The following TKT variants were observed in gnomAD, a reference collection of about 807,000 sequenced individuals.
The protein encoded by TKT is transketolase, also known as epididymis luminal protein 107.
In TKT, 47 loss-of-function variants were observed where a neutral mutation model predicts 63.9. The observed-to-expected ratio is 0.74, with a 90% CI of 0.58 to 0.94. The LOEUF (loss-of-function observed/expected upper bound fraction) is 0.94, where lower values mean the gene tolerates loss of function less well. Among genes scored for constraint, TKT ranks in the 40% least tolerant of loss-of-function variants. The pLI is 0.00. For missense variants in TKT, 721 were observed against 846.2 expected, an observed-to-expected ratio of 0.85 and a Z score of 1.84; for synonymous variants, 338 against 334.1, an observed-to-expected ratio of 1.01 and a Z score of -0.13.
intron 1 of TKT, among the ~76,000 whole-genome samples, chr3:53,250,556 A>C (rs1553681511): frequency 6.6e-6 from 1 of 152,134 alleles, no homozygotes; most frequent in Non-Finnish European, 1.5e-5. Context: ...GGATCGCTTA[A>C]GCCCAGGAGT....
At chr3:53,251,798 C>A (rs150895888) in intron 1 of TKT, among the ~76,000 whole-genome samples, 1 of 151,988 alleles carries the variant, frequency 6.6e-6, no homozygotes, top group Non-Finnish European at 1.5e-5. Flanking sequence ...CCTCTGTACT[C>A]CAGACCTGGT....
Position 53,226,837 on chromosome 3 carries a change from G to A in TKT, c.1615C>T (p.Pro539Ser). 1 of 1,613,734 alleles carries A rather than the reference G, an allele frequency of 6.2e-7. No individual in the cohort carries two copies. The highest frequency in any genetic ancestry group is 2.2e-5 in the East Asian group (1 of 44,890). The change falls in exon 13 of 14, where the codon CCC becomes TCC. Residue 539 changes from proline (P) to serine (S), a missense_variant. By Grantham distance (74) the Pro-to-Ser change is moderately conservative. Transcript: ENST00000462138. ...IRVLDPFTIK[P>S]LDRKLILDSA... ...TCGAGAATGAGTTTTCTGTCCAGGG[G>A]CTTGATGGTGAAGGGGTCCAGCACG...
At chr3:53,238,288 C>A (rs782725833) in intron 4 of TKT, among the ~76,000 whole-genome samples, 1 of 152,238 alleles carries the variant, frequency 6.6e-6, no homozygotes, top group Non-Finnish European at 1.5e-5. Context: ...TGGTTCTCTG[C>A]CAAATAAAAT....
rs1553675244 is a variant in TKT, at chr3:53,225,620, A to G, written c.*136T>C. On this transcript the variant is annotated 3_prime_UTR_variant, in exon 14 of 14. Coordinates refer to ENST00000462138, the MANE Select transcript of TKT (RefSeq NM_001064.4). ...CAGAACCTGCACTGGCTGCAAACAC[A>G]TCAAAAAAGAAAACATTTCAGGGCC... The G allele has an allele frequency of 1.8e-6, 2 of 1,115,988 alleles. No homozygotes were observed. Among genetic ancestry groups the G allele is most frequent in the African/African-American group, 1.6e-5 (1 of 63,298 alleles). 69.1% of individuals were successfully genotyped at this position (1,115,988 alleles called of 1,614,324 possible).
chr3:53,230,697 C>G, intron 7 of TKT, 76 bp from the exon 8 acceptor site: 2 of 1,559,120 alleles, frequency 1.3e-6, no homozygotes, highest in Non-Finnish European at 1.7e-6. Context: ...GCCCTGCTTT[C>G]AGAGAAGGAT....
chr3:53,247,281 T>C lies in TKT; in HGVS notation c.108-5039A>G, dbSNP rs1705554619. 2.1e-5 allele frequency among the ~76,000 whole-genome samples: 3 copies of C among 141,804 alleles called. No homozygotes were observed. The South Asian group carries it at 6.6e-4, about 31-fold the overall frequency. 93.0% of individuals were successfully genotyped at this position (141,804 alleles called of 152,430 possible). On this transcript the variant is annotated intron_variant, in intron 1 of 13. Transcript: ENST00000462138. ...CTGAGGCAGGAGAATCGCTTGAACC[T>C]GGGAGGCAGAGGTTGCAGTGAGCTG...
chr3:53,241,287 G>C (rs202095974), intron 2 of TKT, 42 bp from the exon 3 acceptor site: 11 of 1,552,332 alleles, frequency 7.1e-6, no homozygotes, highest in Non-Finnish European at 9.6e-6. Flanking sequence ...GGTGGGGAGC[G>C]GTTCTACTTC....
chr3:53,229,185 C>CA, intron 9 of TKT, 48 bp from the exon 10 acceptor site: 1 of 1,613,518 alleles, frequency 6.2e-7, no homozygotes. Context: ...CCTACCCCCC[C>CA]ATCCATGGGC....
intron 1 of TKT, chr3:53,243,691 C>T (rs560876439): frequency 8.0e-5 from 36 of 450,984 alleles, no homozygotes; most frequent in South Asian, 2.7e-4. Flanking sequence ...CCTAATCCCA[C>T]GCTCCCAGTG....
chr3:53,233,384 C>G (rs1347822771), intron 5 of TKT, 110 bp from the exon 6 acceptor site: 10 of 731,224 alleles, frequency 1.4e-5, no homozygotes, highest in Admixed American at 7.2e-5. Flanking sequence ...GGCTCCACCC[C>G]ACAACTGCGG....
chr3:53,228,100 A>G lies in TKT; in HGVS notation c.1529T>C (p.Val510Ala), dbSNP rs1553675974. Residue 510 changes from valine to alanine, a missense_variant, in exon 12 of 14, where the codon GTG (valine) becomes GCG (alanine). Coordinates refer to ENST00000462138, the MANE Select transcript of TKT (RefSeq NM_001064.4). ...AGCGGCCAAGGCCTCGTGCAGGGTC[A>G]CCCCAGCCCCGATAACGGTCACCTG... Reference protein sequence around the residue: ...DDQVTVIGAGVTLHEALAAAE... With the variant: ...DDQVTVIGAGATLHEALAAAE... 1 of 1,613,656 alleles carries G rather than the reference A, an allele frequency of 6.2e-7. No homozygotes were observed. The highest frequency in any genetic ancestry group is 8.5e-7 in the Non-Finnish European group (1 of 1,179,986).
chr3:53,246,580 C>T (rs528189614), intron 1 of TKT, among the ~76,000 whole-genome samples: 41 of 152,218 alleles, frequency 2.7e-4, no homozygotes, highest in Non-Finnish European at 5.3e-4. Context: ...AGGCCAGGTG[C>T]GGTGGCTCAA....
intron 7 of TKT, 136 bp from the exon 8 acceptor site, chr3:53,230,757 C>T (rs1194415021): frequency 1.9e-6 from 2 of 1,051,282 alleles, no homozygotes; most frequent in South Asian, 3.3e-5. Flanking sequence ...CCTGCAGAGG[C>T]TTTTAACTGC....
chr3:53,231,217 G>T, intron 7 of TKT, 140 bp downstream of exon 7: 1 of 940,916 alleles, frequency 1.1e-6, no homozygotes, highest in Non-Finnish European at 1.6e-6. Flanking sequence ...GGAAGTGACA[G>T]GAACAACACC....
chr3:53,237,972 T>C (rs1705114095), intron 4 of TKT: 1 of 152,164 alleles, frequency 6.6e-6, no homozygotes, highest in African/African-American at 2.4e-5. Flanking sequence ...TTTCTTAATA[T>C]CATTCTGTAC....
At chr3:53,242,727 G>GACACTGCCCACTTGTGAAGGGC (rs1705337246) in intron 1 of TKT, among the ~76,000 whole-genome samples, 1 of 152,148 alleles carries the variant, frequency 6.6e-6, no homozygotes, top group South Asian at 2.1e-4. Context: ...GGACTGCCCG[G>GACACTGCCCACTTGTGAAGGGC]ACACTGCCCA....
Position 53,228,049 on chromosome 3 carries a change from TC to T in TKT, c.1573+6del. On this transcript the variant is annotated splice_donor_region_variant and intron_variant, in intron 12 of 13. Transcript: ENST00000462138. The stretch of plus-strand genomic sequence containing the variant: ...AGTTGATGACTTTGGAGGCCCCTTC[TC>T]CTCACCTTTCTTCAGCAGTTCGGCA... 1 of 1,612,124 alleles carries T rather than the reference TC, an allele frequency of 6.2e-7. No homozygotes were observed. Among genetic ancestry groups the T allele is most frequent in the Non-Finnish European group, 8.5e-7 (1 of 1,179,806 alleles).
rs200413451 is a variant in TKT, at chr3:53,232,762, C to T, written c.748+394G>A. 2.0e-5 allele frequency: 8 copies of T among 407,188 alleles called. No homozygotes were observed. The East Asian group carries it at 2.1e-4, about 11-fold the overall frequency. 25.2% of individuals were successfully genotyped at this position (407,188 alleles called of 1,614,324 possible). On this transcript the variant is annotated intron_variant, in intron 6 of 13. Transcript: ENST00000462138. ...ACCTCCTGGAGGGAACAGTTCTCTC[C>T]GGGCCCTGCCTGGCTCTGTGTCGGC... is the stretch of plus-strand genomic sequence containing the variant.
At chr3:53,228,485 A>G (rs2106661293) in intron 10 of TKT, 126 bp from the exon 11 acceptor site, 1 of 1,085,578 alleles carries the variant, frequency 9.2e-7, no homozygotes, top group Non-Finnish European at 1.4e-6. Context: ...CTACTCCAGC[A>G]GGGAAAAGGG....
Sources: gnomAD v4.1 joint callset for allele counts (sites outside exome capture counted in the v4.1 genomes callset) on GRCh38, gnomAD v4.1.1 for gene constraint, MANE v1.5 for transcripts, NCBI Gene and HGNC (gene_info 2026-07-23, HGNC 2026-07-21) for gene names.